ADAMTSL1: variants seen among roughly 807,000 people sequenced by gnomAD.
ADAMTSL1 encodes the protein ADAMTS like 1, also known as ADAMTS-like protein 1.
In ADAMTSL1, 126 loss-of-function variants were observed where a neutral mutation model predicts 201.8. The observed-to-expected ratio is 0.62, with a 90% CI of 0.54 to 0.72. The LOEUF (loss-of-function observed/expected upper bound fraction) is 0.72. Ranked by LOEUF, ADAMTSL1 falls within the 30% of genes least tolerant of loss-of-function variation. The pLI is 0.00. For missense variants in ADAMTSL1, 2,679 were observed against 2,277.8 expected (o/e 1.18, Z -3.59); for synonymous variants, 1,121 against 903.4 (o/e 1.24, Z -4.32).
intron 1 of ADAMTSL1, among the ~76,000 whole-genome samples, chr9:18,498,980 G>C (rs1822688761): frequency 6.6e-6 from 1 of 152,248 alleles, no homozygotes; most frequent in Non-Finnish European, 1.5e-5. Flanking sequence ...ATGCGCAAAA[G>C]CGCACTGGAA....
intron 2 of ADAMTSL1, among the ~76,000 whole-genome samples, chr9:18,333,168 G>T (rs1327395204): frequency 7.9e-5 from 12 of 152,146 alleles, no homozygotes; most frequent in Non-Finnish European, 1.5e-5. Flanking sequence ...ATGTTGCCAT[G>T]TATTTATACC....
At chr9:18,298,749 C>T (rs1587498376) in intron 2 of ADAMTSL1, among the ~76,000 whole-genome samples, 1 of 151,760 alleles carries the variant, frequency 6.6e-6, no homozygotes, top group Admixed American at 6.6e-5. Flanking sequence ...ATAGGCCGGG[C>T]TCGGTGGCTC....
At chr9:18,763,317 C>T (rs1438108659) in intron 16 of ADAMTSL1, among the ~76,000 whole-genome samples, 1 of 152,172 alleles carries the variant, frequency 6.6e-6, no homozygotes, top group Admixed American at 6.5e-5. Flanking sequence ...TGAGAGATGT[C>T]TAGTCAGATC....
intron 3 of ADAMTSL1, among the ~76,000 whole-genome samples, chr9:18,539,370 G>A (rs1225771735): frequency 6.6e-6 from 1 of 152,146 alleles, no homozygotes; most frequent in Non-Finnish European, 1.5e-5. Context: ...TCAGTATGGA[G>A]GTAAGAACAA....
At chr9:18,370,774 T>G (rs1034098798) in intron 2 of ADAMTSL1, among the ~76,000 whole-genome samples, 1 of 151,946 alleles carries the variant, frequency 6.6e-6, no homozygotes, top group African/African-American at 2.4e-5. Flanking sequence ...GGCACAACTT[T>G]CTAACTAATT....
chr9:17,987,065 T>A (rs1371694402), intron 1 of ADAMTSL1, among the ~76,000 whole-genome samples: 10 of 152,096 alleles, frequency 6.6e-5, no homozygotes, highest in Non-Finnish European at 1.5e-4. Flanking sequence ...ATCCATGGTC[T>A]CTTTCATGGA....
At chr9:18,220,203 A>G (rs930294581) in intron 2 of ADAMTSL1, among the ~76,000 whole-genome samples, 8 of 152,126 alleles carry the variant, frequency 5.3e-5, no homozygotes, top group African/African-American at 1.9e-4. Context: ...TGGTTTAGAT[A>G]TGATCCAGTT....
chr9:18,852,318 G>T (rs1429376085), intron 23 of ADAMTSL1, among the ~76,000 whole-genome samples: 1 of 152,168 alleles, frequency 6.6e-6, no homozygotes, highest in Non-Finnish European at 1.5e-5. Context: ...AATAAATGAG[G>T]CAGTATATGT....
chr9:18,823,809 C>T (rs7019871), intron 21 of ADAMTSL1, among the ~76,000 whole-genome samples: 12,970 of 152,154 alleles, frequency 0.085, 682 homozygotes, highest in East Asian at 0.27. Flanking sequence ...GCCAACATGG[C>T]GAAACCCTGT....
chr9:18,611,736 G>A (rs1825381213), intron 4 of ADAMTSL1, among the ~76,000 whole-genome samples: 1 of 152,120 alleles, frequency 6.6e-6, no homozygotes, highest in South Asian at 2.1e-4. Context: ...TAAAATGTTT[G>A]CCATCTTAGC....
intron 2 of ADAMTSL1, among the ~76,000 whole-genome samples, chr9:18,365,071 A>T (rs73430981): frequency 1.4e-4 from 22 of 152,200 alleles, no homozygotes; most frequent in South Asian, 8.3e-4. Context: ...TGTACCCTAT[A>T]TAGGGTCTGG....
intron 13 of ADAMTSL1, among the ~76,000 whole-genome samples, chr9:18,698,288 AT>A (rs986093520): frequency 1.0e-4 from 15 of 150,052 alleles, no homozygotes; most frequent in East Asian, 3.9e-4. Context: ...CAATATTTTA[AT>A]TTTTTTTTTG....
At chr9:18,047,004 A>G (rs1011615731) in intron 1 of ADAMTSL1, among the ~76,000 whole-genome samples, 2 of 152,110 alleles carry the variant, frequency 1.3e-5, no homozygotes, top group African/African-American at 4.8e-5. Flanking sequence ...ATGCATTGTA[A>G]TGTGGAGTAA....
intron 2 of ADAMTSL1, among the ~76,000 whole-genome samples, chr9:18,317,713 A>C (rs1168809810): frequency 1.3e-5 from 2 of 152,178 alleles, no homozygotes; most frequent in African/African-American, 4.8e-5. Flanking sequence ...GTCTTCCCTT[A>C]CACCCTTACA....
chr9:18,412,873 C>T (rs1818507319), intron 2 of ADAMTSL1, among the ~76,000 whole-genome samples: 1 of 152,136 alleles, frequency 6.6e-6, no homozygotes, highest in African/African-American at 2.4e-5. Context: ...GCTATTTCTT[C>T]AAGAAGCTCT....
chr9:18,236,256 G>C (rs1298622590), intron 2 of ADAMTSL1, among the ~76,000 whole-genome samples: 2 of 152,170 alleles, frequency 1.3e-5, no homozygotes, highest in South Asian at 4.2e-4. Context: ...ATTTTTACTA[G>C]AGACGGGGTT....
At chr9:18,266,435 G>A (rs1252097592) in intron 2 of ADAMTSL1, among the ~76,000 whole-genome samples, 1 of 152,202 alleles carries the variant, frequency 6.6e-6, no homozygotes, top group Non-Finnish European at 1.5e-5. Flanking sequence ...GATTTGAGTA[G>A]ACAGCAACAG....
intron 22 of ADAMTSL1, among the ~76,000 whole-genome samples, chr9:18,828,890 C>T (rs1214759350): frequency 2.0e-5 from 3 of 151,588 alleles, no homozygotes; most frequent in East Asian, 1.9e-4. Context: ...GTGCCAGGCA[C>T]GTAGTAGGGC....
intron 2 of ADAMTSL1, among the ~76,000 whole-genome samples, chr9:18,295,463 T>C (rs2493746): frequency 0.028 from 4,321 of 152,060 alleles, 205 homozygotes; most frequent in African/African-American, 0.097. Flanking sequence ...TTCAGCCTCC[T>C]GAGTAGCTGG....
Sources: gnomAD v4.1 joint callset for allele counts (sites outside exome capture counted in the v4.1 genomes callset) on GRCh38, gnomAD v4.1.1 for gene constraint, MANE v1.5 for transcripts, NCBI Gene and HGNC (gene_info 2026-07-23, HGNC 2026-07-21) for gene names.